Variants in EPHA7 observed in about 807,000 individuals in gnomAD.
The protein encoded by EPHA7 is ephrin type-A receptor 7.
EPHA7 carries 25 observed loss-of-function variants against 112.6 expected under a neutral mutation model. That is an observed-to-expected ratio of 0.22 (90% CI 0.16 to 0.31). The LOEUF (loss-of-function observed/expected upper bound fraction) is 0.31. Among genes scored for constraint, EPHA7 ranks in the 10% least tolerant of loss-of-function variants. The pLI is 1.00. For missense variants in EPHA7, 962 were observed against 1,212.6 expected (o/e 0.79, Z 3.07); for synonymous variants, 437 against 406.5 (o/e 1.07, Z -0.90).
chr6:93,350,952 C>A (rs1368197023), intron 5 of EPHA7, among the ~76,000 whole-genome samples: 2 of 152,002 alleles, frequency 1.3e-5, no homozygotes, highest in Non-Finnish European at 2.9e-5. Context: ...CCAGTTCATA[C>A]CATTATTCCA....
intron 3 of EPHA7, among the ~76,000 whole-genome samples, chr6:93,388,540 AG>A (rs1777745404): frequency 6.6e-6 from 1 of 152,130 alleles, no homozygotes; most frequent in African/African-American, 2.4e-5. Flanking sequence ...AAGGATATAA[AG>A]AAATGCTATT....
At chr6:93,266,259 G>A (rs577600265) in intron 7 of EPHA7, among the ~76,000 whole-genome samples, 1 of 151,672 alleles carries the variant, frequency 6.6e-6, no homozygotes, top group South Asian at 2.1e-4. Context: ...TTCCAGTCAT[G>A]AGGAAGAAAA....
chr6:93,319,768 CAT>C (rs1325662062), intron 5 of EPHA7, among the ~76,000 whole-genome samples: 2 of 152,070 alleles, frequency 1.3e-5, no homozygotes, highest in Non-Finnish European at 2.9e-5. Context: ...TCCATATACA[CAT>C]GTTTTACAAA....
chr6:93,309,010 A>G (rs1047686470), intron 5 of EPHA7, among the ~76,000 whole-genome samples: 2 of 151,536 alleles, frequency 1.3e-5, no homozygotes, highest in East Asian at 3.9e-4. Context: ...GTGCAATGGC[A>G]TGATCTCCGC....
chr6:93,250,380 T>C (rs911979325), intron 14 of EPHA7, among the ~76,000 whole-genome samples: 5 of 152,186 alleles, frequency 3.3e-5, no homozygotes, highest in African/African-American at 1.2e-4. Flanking sequence ...GTGCTTATTA[T>C]ATGATTGGCA....
intron 5 of EPHA7, among the ~76,000 whole-genome samples, chr6:93,312,787 C>T (rs758933526): frequency 2.3e-4 from 35 of 152,208 alleles, no homozygotes; most frequent in Middle Eastern, 6.8e-3. Flanking sequence ...AAGTGAGAGA[C>T]CTGCAGCTCT....
At position 93,387,520 on chromosome 6, in the gene EPHA7, T is replaced by C. The variant is rs112956429; in HGVS notation, c.832+22981A>G. ...ACTTCCACATTTTAGGGTATCTTTA[T>C]AGCAGCACCCCACTACCTGATACCA... On this transcript the variant is annotated intron_variant, in intron 3 of 16. Coordinates refer to ENST00000369303, the MANE Select transcript of EPHA7 (RefSeq NM_004440.4). 5.1e-3 allele frequency among the ~76,000 whole-genome samples: 781 copies of C among 152,254 alleles called. 3 individuals are homozygous for C. The highest frequency in any genetic ancestry group is 0.018 in the African/African-American group (739 of 41,554).
At chr6:93,246,596 A>C (rs1769962126) in intron 15 of EPHA7, among the ~76,000 whole-genome samples, 196 bp downstream of exon 15, 1 of 152,232 alleles carries the variant, frequency 6.6e-6, no homozygotes, top group East Asian at 1.9e-4. Context: ...AATAACTAAT[A>C]GATTCTTTTC....
At chr6:93,387,995 C>T (rs1180436921) in intron 3 of EPHA7, among the ~76,000 whole-genome samples, 1 of 148,088 alleles carries the variant, frequency 6.8e-6, no homozygotes, top group Non-Finnish European at 1.5e-5. Context: ...TAGATAGACA[C>T]AGAGACATAC....
chr6:93,399,224 T>C (rs934529783), intron 3 of EPHA7, among the ~76,000 whole-genome samples: 3 of 152,074 alleles, frequency 2.0e-5, no homozygotes, highest in African/African-American at 7.2e-5. Context: ...TTCCTAATCA[T>C]TAATTGCTAA....
At chr6:93,284,912 G>T (rs1426065685) in intron 5 of EPHA7, among the ~76,000 whole-genome samples, 1 of 151,960 alleles carries the variant, frequency 6.6e-6, no homozygotes, top group Non-Finnish European at 1.5e-5. Context: ...GGGTTGATGG[G>T]TGCAGCAAAC....
At chr6:93,315,089 C>T (rs1773740724) in intron 5 of EPHA7, among the ~76,000 whole-genome samples, 2 of 149,922 alleles carry the variant, frequency 1.3e-5, no homozygotes, top group African/African-American at 5.0e-5. Flanking sequence ...GTCTCGATCT[C>T]CTGACCTCGT....
intron 5 of EPHA7, among the ~76,000 whole-genome samples, chr6:93,300,779 TAC>T (rs987654479): frequency 2.0e-5 from 3 of 152,204 alleles, no homozygotes; most frequent in African/African-American, 7.2e-5. Context: ...GAAACAAATA[TAC>T]AGTCATGCAT....
intron 5 of EPHA7, among the ~76,000 whole-genome samples, chr6:93,332,843 A>T (rs902161832): frequency 6.6e-6 from 1 of 151,766 alleles, no homozygotes; most frequent in African/African-American, 2.4e-5. Context: ...TCAAAATAAT[A>T]GAAACTAATT....
At chr6:93,271,258 A>G (rs1771203615) in intron 6 of EPHA7, among the ~76,000 whole-genome samples, 1 of 151,714 alleles carries the variant, frequency 6.6e-6, no homozygotes, top group African/African-American at 2.4e-5. Flanking sequence ...TTAAAACAAA[A>G]TCATATTTTA....
intron 5 of EPHA7, among the ~76,000 whole-genome samples, chr6:93,338,134 A>G (rs1352065905): frequency 6.6e-6 from 1 of 152,082 alleles, no homozygotes; most frequent in African/African-American, 2.4e-5. Context: ...GTAGAAATGT[A>G]AAAGAAAAAA....
At chr6:93,342,421 G>T (rs913157723) in intron 5 of EPHA7, among the ~76,000 whole-genome samples, 2 of 151,832 alleles carry the variant, frequency 1.3e-5, no homozygotes, top group African/African-American at 4.8e-5. Flanking sequence ...TTTCAGAAGA[G>T]AGTATCACTC....
intron 6 of EPHA7, among the ~76,000 whole-genome samples, chr6:93,271,937 G>A (rs1771241947): frequency 6.6e-6 from 1 of 151,486 alleles, no homozygotes; most frequent in Non-Finnish European, 1.5e-5. Context: ...AACCATTAAG[G>A]TCCCAAACAG....
At chr6:93,359,874 G>GAGATAGATAGATAGATAGATAGAT (rs66894419) in intron 3 of EPHA7, among the ~76,000 whole-genome samples, 1 of 127,850 alleles carries the variant, frequency 7.8e-6, no homozygotes, top group Non-Finnish European at 1.7e-5. Context: ...GAGAGAGAGA[G>GAGATAGATAGATAGATAGATAGAT]AGATAGATAG....
Sources: gnomAD v4.1 joint callset for allele counts (sites outside exome capture counted in the v4.1 genomes callset) on GRCh38, gnomAD v4.1.1 for gene constraint, MANE v1.5 for transcripts, NCBI Gene and HGNC (gene_info 2026-07-23, HGNC 2026-07-21) for gene names.